Variants in KLHL5 observed in about 807,000 individuals in gnomAD.
KLHL5 encodes kelch like family member 5.
A neutral mutation model predicts 77.7 loss-of-function variants in KLHL5; 48 were observed. The ratio of observed to expected loss-of-function variants is 0.62; its 90% CI spans 0.49 to 0.79. KLHL5 has a LOEUF of 0.79. KLHL5 is among the 30% of genes least tolerant of loss of function. The pLI is 0.00. For missense variants in KLHL5, 723 were observed against 859.7 expected (o/e 0.84, Z 1.99); for synonymous variants, 260 against 297.0 (o/e 0.88, Z 1.28).
At chr4:39,086,816 G>C in intron 5 of KLHL5, 89 bp downstream of exon 5, 1 of 948,508 alleles carries the variant, frequency 1.1e-6, no homozygotes, top group Non-Finnish European at 1.6e-6. Context: ...GAAACGTGTA[G>C]GTGAAAAGAT....
chr4:39,097,607 T>A (rs1721179149), intron 6 of KLHL5, among the ~76,000 whole-genome samples: 1 of 152,186 alleles, frequency 6.6e-6, no homozygotes, highest in African/African-American at 2.4e-5. Flanking sequence ...GAAACAAATC[T>A]AAGTTGAGAG....
chr4:39,138,459 G>A, the KLHL5 span, among the ~76,000 whole-genome samples: 2 of 152,126 alleles, frequency 1.3e-5, no homozygotes, highest in African/African-American at 4.8e-5. Context: ...GCAGGGACAC[G>A]GATGGAGCTG....
intron 7 of KLHL5, among the ~76,000 whole-genome samples, chr4:39,104,134 A>G (rs2566154): frequency 0.075 from 11,446 of 152,178 alleles, 1,438 homozygotes; most frequent in African/African-American, 0.26. Context: ...GAAGATTGAA[A>G]TGGGAATGGT....
intron 1 of KLHL5, among the ~76,000 whole-genome samples, chr4:39,066,197 T>G (rs907322184): frequency 6.6e-6 from 1 of 152,186 alleles, no homozygotes; most frequent in African/African-American, 2.4e-5. Context: ...ACATGAGGAA[T>G]TTTAGACCTT....
chr4:39,086,788 T>C, intron 5 of KLHL5, 61 bp downstream of exon 5: 1 of 1,242,160 alleles, frequency 8.1e-7, no homozygotes, highest in South Asian at 1.2e-5. Flanking sequence ...AAGAAAATAA[T>C]TGTACATGTA....
chr4:39,077,086 A>C (rs1044176805), intron 2 of KLHL5, among the ~76,000 whole-genome samples: 24 of 151,880 alleles, frequency 1.6e-4, no homozygotes, highest in African/African-American at 3.4e-4. Flanking sequence ...AAAAAAAAAA[A>C]CAGTCCCATC....
chr4:39,115,477 G>A, intron 10 of KLHL5, 147 bp downstream of exon 10: 7 of 1,512,204 alleles, frequency 4.6e-6, no homozygotes, highest in Non-Finnish European at 6.2e-6. Context: ...GAGAAAAAGA[G>A]GCAATGTTTA....
chr4:39,081,929 T>G lies in KLHL5; in HGVS notation c.704-34T>G. On this transcript the variant is annotated intron_variant, in intron 3 of 10. Transcript: ENST00000504108. The surrounding 1 kb of genome is among the most constrained non-coding windows in gnomAD (Gnocchi z 4.3). ...TTTTATAAAATAAGGTTAATGTAGT[T>G]CCATGGCTAATGGAATTTCTTTTTA... 1 of 1,474,496 alleles carries G rather than the reference T, an allele frequency of 6.8e-7. No individual in the cohort carries two copies. The highest frequency in any genetic ancestry group is 9.2e-7 in the Non-Finnish European group (1 of 1,086,164). 91.3% of individuals were successfully genotyped at this position (1,474,496 alleles called of 1,614,324 possible). A position where few individuals can be genotyped will look rare whatever the true frequency, so the allele number is the denominator to read the frequency against.
rs144808423 is a variant in KLHL5 at position 39,093,679 on chromosome 4, G to A, written c.1114-3013G>A. Among the ~76,000 whole-genome samples, 143 of 152,258 alleles carry A rather than the reference G, an allele frequency of 9.4e-4. 1 individual carries two copies. The highest frequency in any genetic ancestry group is 3.2e-3 in the African/African-American group (132 of 41,544). ...CCAGCACTGTGGGAGGCCAAGGTGGGAGGATCACTTGAGGTCAGGAGCTCA... is the reference window on the plus strand; with the variant it reads ...CCAGCACTGTGGGAGGCCAAGGTGGAAGGATCACTTGAGGTCAGGAGCTCA... On this transcript the variant is annotated intron_variant, in intron 5 of 10. Coordinates refer to ENST00000504108, the MANE Select transcript of KLHL5 (RefSeq NM_015990.5).
At chr4:39,113,874 A>T (rs1418873959) in intron 9 of KLHL5, among the ~76,000 whole-genome samples, 1 of 152,168 alleles carries the variant, frequency 6.6e-6, no homozygotes, top group African/African-American at 2.4e-5. Context: ...CGGAGTGGGC[A>T]GGGTGGTGCA....
chr4:39,126,239 TAA>T (rs1723536932), downstream of KLHL5, among the ~76,000 whole-genome samples: 1 of 152,238 alleles, frequency 6.6e-6, no homozygotes, highest in Non-Finnish European at 1.5e-5. Flanking sequence ...TGTGACTAGA[TAA>T]TACTCATGTA....
intron 5 of KLHL5, among the ~76,000 whole-genome samples, chr4:39,090,350 A>G (rs182154838): frequency 4.6e-5 from 7 of 152,222 alleles, no homozygotes; most frequent in Admixed American, 3.3e-4. Flanking sequence ...ACTTACATAC[A>G]GTAATTTTAT....
chr4:39,060,545 A>T (rs899008345), upstream of KLHL5, among the ~76,000 whole-genome samples: 1 of 152,098 alleles, frequency 6.6e-6, no homozygotes, highest in Non-Finnish European at 1.5e-5. Flanking sequence ...AAGTGTTTAC[A>T]AAGATGATAG....
upstream of KLHL5, among the ~76,000 whole-genome samples, chr4:39,060,621 A>T (rs939278704): frequency 1.3e-5 from 2 of 152,220 alleles, no homozygotes; most frequent in African/African-American, 4.8e-5. Context: ...GGAGGCAAAC[A>T]GTGTTATAAA....
intron 7 of KLHL5, among the ~76,000 whole-genome samples, chr4:39,105,883 G>T (rs139580764): frequency 6.6e-6 from 1 of 151,992 alleles, no homozygotes; most frequent in Non-Finnish European, 1.5e-5. Flanking sequence ...TTATCTGGCT[G>T]TGATTTCACA....
intron 6 of KLHL5, 95 bp downstream of exon 6, chr4:39,096,973 T>G (rs1721124130): frequency 9.5e-7 from 1 of 1,049,128 alleles, no homozygotes; most frequent in African/African-American, 1.6e-5. Context: ...GAGAAATGGC[T>G]GGCTGCAGGA....
At chr4:39,099,257 C>T (rs1050085746) in intron 6 of KLHL5, among the ~76,000 whole-genome samples, 2 of 152,130 alleles carry the variant, frequency 1.3e-5, no homozygotes, top group African/African-American at 4.8e-5. Flanking sequence ...CACTGTACCC[C>T]AGCCTGGGCA....
In KLHL5 at chr4:39,095,603, G is replaced by A. The variant is rs187806190; in HGVS notation, c.1114-1089G>A. On this transcript the variant is annotated intron_variant, in intron 5 of 10. Transcript: ENST00000504108. ...GAAAAAAGTATGTTTACATATACACGTATATATATACATATATATACATAT... is the reference window on the plus strand; with the variant it reads ...GAAAAAAGTATGTTTACATATACACATATATATATACATATATATACATAT... 6.1e-4 allele frequency among the ~76,000 whole-genome samples: 92 copies of A among 151,234 alleles called. 1 individual carries two copies. Among genetic ancestry groups the A allele is most frequent in the South Asian group, 1.0e-3 (5 of 4,804 alleles).
chr4:39,072,629 G>T (rs968678573), intron 1 of KLHL5, among the ~76,000 whole-genome samples: 4 of 152,122 alleles, frequency 2.6e-5, no homozygotes, highest in Admixed American at 1.3e-4. Context: ...TAGCCTCATG[G>T]GGCTAGTGGC....
Sources: gnomAD v4.1 joint callset for allele counts (sites outside exome capture counted in the v4.1 genomes callset) on GRCh38, gnomAD v4.1.1 for gene constraint, Gnocchi (gnomAD v3.1) non-coding constraint, MANE v1.5 for transcripts, NCBI Gene and HGNC (gene_info 2026-07-23, HGNC 2026-07-21) for gene names.